The following CDC42SE2 variants were observed in gnomAD, a reference collection of about 807,000 sequenced individuals.
The protein encoded by CDC42SE2 is CDC42 small effector 2.
A neutral mutation model predicts 11.5 loss-of-function variants in CDC42SE2; 3 were observed. That is an observed-to-expected ratio of 0.26 (90% CI 0.12 to 0.67). The LOEUF is 0.67. Among genes scored for constraint, CDC42SE2 ranks in the 30% least tolerant of loss-of-function variants. The pLI, the probability that CDC42SE2 is intolerant of heterozygous loss-of-function variation, is 0.80. For missense variants in CDC42SE2, 82 were observed against 106.8 expected, an observed-to-expected ratio of 0.77 and a Z score of 1.02; for synonymous variants, 33 against 34.8, an observed-to-expected ratio of 0.95 and a Z score of 0.18.
chr5:131,231,644 A>C, the CDC42SE2 span, among the ~76,000 whole-genome samples: 1 of 152,062 alleles, frequency 6.6e-6, no homozygotes, highest in Non-Finnish European at 1.5e-5. Context: ...TAATCAGTTC[A>C]CATTAATTGT....
chr5:131,271,016 G>A (rs1234908392), intron 1 of CDC42SE2, among the ~76,000 whole-genome samples: 3 of 152,152 alleles, frequency 2.0e-5, no homozygotes, highest in Non-Finnish European at 4.4e-5. Flanking sequence ...TGCCTTCTGA[G>A]TTGGCGAGGT....
chr5:131,339,758 C>A, intron 2 of CDC42SE2, among the ~76,000 whole-genome samples: 1 of 147,788 alleles, frequency 6.8e-6, no homozygotes. Context: ...TGCAGTGAGC[C>A]AAGATTGTAC....
chr5:131,361,655 C>T (rs1749711682), intron 3 of CDC42SE2, among the ~76,000 whole-genome samples: 1 of 152,242 alleles, frequency 6.6e-6, no homozygotes, highest in South Asian at 2.1e-4. Flanking sequence ...CTTTGGTGTG[C>T]TAGAAGAATT....
the CDC42SE2 span, among the ~76,000 whole-genome samples, chr5:131,230,007 A>C: frequency 3.9e-5 from 6 of 152,224 alleles, no homozygotes; most frequent in Admixed American, 1.3e-4. Flanking sequence ...CTATCATTTT[A>C]CCATGTTTTC....
At chr5:131,376,631 T>C (rs1192692625) in intron 3 of CDC42SE2, among the ~76,000 whole-genome samples, 1 of 152,182 alleles carries the variant, frequency 6.6e-6, no homozygotes, top group African/African-American at 2.4e-5. Context: ...AGGTCGTTTT[T>C]TGATCCTCTC....
intron 1 of CDC42SE2, among the ~76,000 whole-genome samples, chr5:131,264,402 G>A (rs1756808663): frequency 6.6e-6 from 1 of 152,162 alleles, no homozygotes; most frequent in Non-Finnish European, 1.5e-5. Context: ...TGTTTCCTCT[G>A]AGGAATGGTT....
At chr5:131,348,391 C>A (rs933712166) in intron 2 of CDC42SE2, among the ~76,000 whole-genome samples, 10 of 152,152 alleles carry the variant, frequency 6.6e-5, no homozygotes, top group Non-Finnish European at 1.0e-4. Flanking sequence ...CCCATTCACA[C>A]TTGGTACAAA....
intron 2 of CDC42SE2, among the ~76,000 whole-genome samples, chr5:131,320,977 T>C (rs895020976): frequency 6.6e-6 from 1 of 152,314 alleles, no homozygotes; most frequent in East Asian, 1.9e-4. Flanking sequence ...TTTTCCTCTT[T>C]ATATTCTTGG....
the CDC42SE2 span, among the ~76,000 whole-genome samples, chr5:131,232,557 A>G: frequency 6.6e-6 from 1 of 150,778 alleles, no homozygotes; most frequent in Non-Finnish European, 1.5e-5. Flanking sequence ...ACATGATGAA[A>G]CCCCATCTCT....
At chr5:131,251,316 A>G (rs2149683202) in intron 1 of CDC42SE2, among the ~76,000 whole-genome samples, 1 of 152,198 alleles carries the variant, frequency 6.6e-6, no homozygotes, top group Non-Finnish European at 1.5e-5. Flanking sequence ...TTCTACACCA[A>G]GAAATCACTG....
intron 3 of CDC42SE2, among the ~76,000 whole-genome samples, chr5:131,374,744 T>C (rs1750104571): frequency 6.6e-6 from 1 of 152,006 alleles, no homozygotes; most frequent in African/African-American, 2.4e-5. Flanking sequence ...ATATAGTAAA[T>C]GTTTGGGGGG....
chr5:131,391,584 A>C lies in CDC42SE2; in HGVS notation c.*493A>C, dbSNP rs928581515. 2 of 152,362 alleles carry C rather than the reference A, an allele frequency of 1.3e-5. No homozygotes were observed. The highest frequency in any genetic ancestry group is 4.8e-5 in the African/African-American group (2 of 41,466). The allele number at this position is 152,362 out of a possible 1,614,324, so 9.4% of individuals were successfully genotyped here. On this transcript the variant is annotated 3_prime_UTR_variant, in exon 5 of 5. Transcript: ENST00000505065. ...CTACTCAGGAGGCTGAGGCACGAGAATTGCTTGAACCTGGGAGGCAGGGGT... is the reference window on the plus strand; with the variant it reads ...CTACTCAGGAGGCTGAGGCACGAGACTTGCTTGAACCTGGGAGGCAGGGGT...
chr5:131,318,376 T>C (rs745971441), intron 2 of CDC42SE2, among the ~76,000 whole-genome samples: 3 of 152,304 alleles, frequency 2.0e-5, no homozygotes, highest in South Asian at 2.1e-4. Flanking sequence ...GTATTTCATA[T>C]ATATTTTGTA....
At chr5:131,351,726 A>C (rs1322499105) in intron 2 of CDC42SE2, among the ~76,000 whole-genome samples, 2 of 152,256 alleles carry the variant, frequency 1.3e-5, no homozygotes, top group East Asian at 3.8e-4. Context: ...AAAGCTAAAA[A>C]GTCTAGAAAA....
At chr5:131,370,495 T>TTC (rs1307452964) in intron 3 of CDC42SE2, among the ~76,000 whole-genome samples, 6 of 151,894 alleles carry the variant, frequency 4.0e-5, no homozygotes, top group Non-Finnish European at 5.9e-5. Flanking sequence ...TTTTTTTTTT[T>TTC]TCTCCCCAGC....
intron 1 of CDC42SE2, among the ~76,000 whole-genome samples, chr5:131,303,391 C>G (rs1426614053): frequency 1.3e-5 from 2 of 152,138 alleles, no homozygotes; most frequent in Non-Finnish European, 2.9e-5. Flanking sequence ...TTAATAGGGT[C>G]AAGGCCTGAT....
intron 3 of CDC42SE2, among the ~76,000 whole-genome samples, chr5:131,378,613 A>C (rs1750223952): frequency 6.6e-6 from 1 of 152,236 alleles, no homozygotes; most frequent in Non-Finnish European, 1.5e-5. Flanking sequence ...CAAACAACTT[A>C]GTAAAGATTT....
chr5:131,367,365 A>G (rs1466673755), intron 3 of CDC42SE2, among the ~76,000 whole-genome samples: 2 of 152,162 alleles, frequency 1.3e-5, no homozygotes, highest in Non-Finnish European at 2.9e-5. Flanking sequence ...TAGCATATAT[A>G]TCTAAAAGTG....
intron 2 of CDC42SE2, among the ~76,000 whole-genome samples, chr5:131,352,711 A>G (rs961759977): frequency 3.3e-5 from 5 of 152,170 alleles, no homozygotes; most frequent in African/African-American, 1.2e-4. Flanking sequence ...GTGAGTATCA[A>G]CTGTTTCAGC....
Sources: allele counts gnomAD v4.1 joint callset (sites outside exome capture counted in the v4.1 genomes callset), GRCh38; gene constraint gnomAD v4.1.1; transcripts MANE v1.5; gene names NCBI Gene and HGNC (gene_info 2026-07-23, HGNC 2026-07-21).